Variants in GAB3 observed in about 807,000 individuals in gnomAD.
GAB3 encodes GRB2 associated binding protein 3.
In GAB3, 12 loss-of-function variants were observed where a neutral mutation model predicts 40.4. That is an observed-to-expected ratio of 0.30 (90% CI 0.19 to 0.48). GAB3 has a LOEUF of 0.48. GAB3 is among the 20% of genes least tolerant of loss of function. GAB3 has a pLI of 0.99. For synonymous variants in GAB3, 154 were observed against 176.7 expected (o/e 0.87, Z 1.02); for missense variants, 381 against 461.9 (o/e 0.82, Z 1.61).
rs1387913845 is a variant in GAB3 at position 154,675,292 on chromosome X, A to G, written c.*2886T>C. 1.8e-5 allele frequency: 2 copies of G among 112,661 alleles called. No individual in the cohort carries two copies. Among genetic ancestry groups the G allele is most frequent in the East Asian group, 5.5e-4 (2 of 3,623 alleles). The allele number at this position is 112,661 out of a possible 1,213,427, so 9.3% of individuals were successfully genotyped here. A position where few individuals can be genotyped will look rare whatever the true frequency, so the allele number is the denominator to read the frequency against. On this transcript the variant is annotated 3_prime_UTR_variant, in exon 10 of 10. Transcript: ENST00000424127. ...TTATTAATGCCAGAAATGAAACAGC[A>G]AAAACAAAATGAATTTGAAAAATCA... is the stretch of plus-strand genomic sequence containing the variant.
At chrX:154,743,768 A>G (rs1180512237) in intron 1 of GAB3, among the ~76,000 whole-genome samples, 1 of 112,156 alleles carries the variant, frequency 8.9e-6, no homozygotes, top group Non-Finnish European at 1.9e-5. Context: ...GAATAATAAA[A>G]AAGGCTCTAT....
rs184244762 is a variant in GAB3 at position 154,687,019 on chromosome X, G to A, written c.1531-6771C>T. Among the ~76,000 whole-genome samples the A allele has an allele frequency of 7.5e-3, 816 of 108,965 alleles. 4 individuals carry two copies. Among genetic ancestry groups the A allele is most frequent in the Non-Finnish European group, 9.5e-3 (499 of 52,348 alleles). 94.6% of individuals were successfully genotyped at this position (108,965 alleles called of 115,157 possible). On this transcript the variant is annotated intron_variant, in intron 8 of 9. Coordinates refer to ENST00000424127, the MANE Select transcript of GAB3 (RefSeq NM_001081573.3). ...AGCCTGGCCAACATGGTGAATCCCT[G>A]TCTCTACTAAAAATACAAAAAAGTA...
chrX:154,718,251 T>A (rs1276126838), intron 1 of GAB3, among the ~76,000 whole-genome samples: 14 of 109,162 alleles, frequency 1.3e-4, no homozygotes, highest in African/African-American at 4.7e-4. Flanking sequence ...TGACCTCCAA[T>A]TATGCCTTAG....
At position 154,684,117 on chromosome X, in the gene GAB3, T is replaced by C. The variant is rs2070414615; in HGVS notation, c.1531-3869A>G. Among the ~76,000 whole-genome samples, 3 of 112,285 alleles carry C rather than the reference T, an allele frequency of 2.7e-5. No individual in the cohort carries two copies. In the South Asian group the frequency reaches 1.1e-3, roughly 41 times the overall value. ...GTATTTGGTTAGACATATTCTTCTT[T>C]GGGATTTTAAAATCCGCATCCACCA... On this transcript the variant is annotated intron_variant, in intron 8 of 9. Transcript: ENST00000424127.
intron 8 of GAB3, among the ~76,000 whole-genome samples, chrX:154,680,937 G>A (rs1169055958): frequency 2.7e-5 from 3 of 112,294 alleles, no homozygotes; most frequent in African/African-American, 9.7e-5. Flanking sequence ...ATTCACTTGT[G>A]TCGAAGCATT....
rs1557257607 is a variant in GAB3 at position 154,716,226 on chromosome X, A to G, written c.176T>C (p.Val59Ala). ...RNKHSSKPIRVIDLSECAVWK... is the reference protein window; with the variant it reads ...RNKHSSKPIRAIDLSECAVWK... Reference sequence around the variant, plus strand: ...CACTGCACACTCGCTGAGGTCTATCACCCGGATGGGCTTGCTGGAGTGCTT... The same window carrying G: ...CACTGCACACTCGCTGAGGTCTATCGCCCGGATGGGCTTGCTGGAGTGCTT... The change falls in exon 2 of 10, where the codon GTG (valine) becomes GCG (alanine). Residue 59 changes from valine (V) to alanine (A), a missense_variant. By Grantham distance (64) the Val-to-Ala change is moderately conservative. Around this residue, in one of 2 missense-constraint regions of GAB3, gnomAD observed 364 missense variants for 421.0 expected, o/e 0.86. Coordinates refer to ENST00000424127, the MANE Select transcript of GAB3 (RefSeq NM_001081573.3). 2 of 1,212,320 alleles carry G rather than the reference A, an allele frequency of 1.6e-6. No homozygotes were observed. The highest frequency in any genetic ancestry group is 3.5e-5 in the South Asian group (2 of 57,037).
intron 4 of GAB3, among the ~76,000 whole-genome samples, chrX:154,710,477 G>C (rs782279073): frequency 1.8e-5 from 2 of 111,837 alleles, no homozygotes; most frequent in African/African-American, 6.5e-5. Context: ...AAAGCAGAAA[G>C]GAAACTCAGA....
intron 4 of GAB3, among the ~76,000 whole-genome samples, chrX:154,711,954 G>C (rs781868761): frequency 7.9e-4 from 88 of 112,037 alleles, no homozygotes; most frequent in African/African-American, 2.8e-3. Flanking sequence ...AGGAGGGGTT[G>C]GGGGGATCCA....
intron 1 of GAB3, among the ~76,000 whole-genome samples, chrX:154,747,774 T>C (rs782033914): frequency 2.0e-4 from 22 of 112,035 alleles, no homozygotes; most frequent in Admixed American, 1.9e-4. Flanking sequence ...AGATGAAGAG[T>C]TGTTAGATTT....
At chrX:154,678,535 C>A (rs782470372) in intron 9 of GAB3, among the ~76,000 whole-genome samples, 2 of 111,760 alleles carry the variant, frequency 1.8e-5, no homozygotes, top group Admixed American at 1.9e-4. Flanking sequence ...CCTGGCATGG[C>A]GGCACGTGCC....
chrX:154,726,028 A>G (rs2071207881), intron 1 of GAB3, among the ~76,000 whole-genome samples: 1 of 111,782 alleles, frequency 8.9e-6, no homozygotes. Context: ...TCAACAATAT[A>G]ATATTTACAA....
chrX:154,742,495 A>G (rs781919791), intron 1 of GAB3, among the ~76,000 whole-genome samples: 1 of 110,809 alleles, frequency 9.0e-6, no homozygotes, highest in African/African-American at 3.3e-5. Flanking sequence ...TAATAGTTAT[A>G]AGGAATTTTG....
At chrX:154,717,130 G>C (rs2071057456) in intron 1 of GAB3, among the ~76,000 whole-genome samples, 1 of 111,704 alleles carries the variant, frequency 9.0e-6, no homozygotes, top group African/African-American at 3.3e-5. Flanking sequence ...TTGAACTCAG[G>C]TTGGGATGGA....
intron 4 of GAB3, among the ~76,000 whole-genome samples, chrX:154,709,250 CCTGTGGAA>C (rs782094370): frequency 1.8e-5 from 2 of 110,970 alleles, no homozygotes; most frequent in African/African-American, 6.6e-5. Flanking sequence ...TCCTGTACAG[CCTGTGGAA>C]CTGTGAGTGA....
chrX:154,745,479 A>C (rs1419763801), intron 1 of GAB3, among the ~76,000 whole-genome samples: 1 of 112,242 alleles, frequency 8.9e-6, no homozygotes, highest in East Asian at 2.8e-4. Flanking sequence ...GGAGGAAAAT[A>C]ATAAAGATAA....
At chrX:154,744,039 C>A (rs1447694865) in intron 1 of GAB3, among the ~76,000 whole-genome samples, 3 of 109,231 alleles carry the variant, frequency 2.7e-5, no homozygotes, top group Non-Finnish European at 5.7e-5. Flanking sequence ...CATGGTGAAA[C>A]CCCATCTCTA....
In GAB3 at chrX:154,713,306, G is replaced by A. The variant is rs781839941; in HGVS notation, c.497C>T (p.Ala166Val). 6 of 1,207,948 alleles carry A rather than the reference G, an allele frequency of 5.0e-6. No individual in the cohort carries two copies. The highest frequency in any genetic ancestry group is 1.8e-5 in the African/African-American group (1 of 56,809). The change falls in exon 3 of 10, where the codon GCC becomes GTC. Residue 166 changes from alanine to valine, a missense_variant. Coordinates refer to ENST00000424127, the MANE Select transcript of GAB3 (RefSeq NM_001081573.3). ...SLPRDDPNTN[A>V]VATEETRSES... Reference sequence around the variant, plus strand: ...ACTTCTGGTTTCCTCAGTGGCTACGGCATTAGTGTTTGGGTCATCTCTTGG... The same window carrying A: ...ACTTCTGGTTTCCTCAGTGGCTACGACATTAGTGTTTGGGTCATCTCTTGG...
rs367928240 is a variant in GAB3, at chrX:154,716,302, G to T, written c.100C>A (p.Arg34=). ...YAWRKRWFVL[R]RGRMSGNPDV... is the part of the protein sequence containing the mutation. ...GGGTTGCCGCTCATGCGGCCTCGCC[G>T]GAGGACAAACCAGCGCTTGCGCCAG... The change falls in exon 2 of 10, where the codon CGG becomes AGG. Residue 34 remains arginine, a synonymous_variant. Transcript: ENST00000424127. The T allele has an allele frequency of 8.3e-7, 1 of 1,211,451 alleles. No homozygotes were observed.
intron 2 of GAB3, among the ~76,000 whole-genome samples, chrX:154,714,284 C>T (rs1179452566): frequency 8.9e-6 from 1 of 111,911 alleles, no homozygotes; most frequent in East Asian, 2.8e-4. Flanking sequence ...CCAGGCTCTA[C>T]TACATAGCCA....
Sources: allele counts gnomAD v4.1 joint callset (sites outside exome capture counted in the v4.1 genomes callset), GRCh38; gene constraint gnomAD v4.1.1; regional missense constraint gnomAD v4.1.1; transcripts MANE v1.5; gene names NCBI Gene and HGNC (gene_info 2026-07-23, HGNC 2026-07-21).